TRIO: variants seen among roughly 807,000 people sequenced by gnomAD.
The protein encoded by TRIO is trio Rho guanine nucleotide exchange factor, also known as triple functional domain protein.
A neutral mutation model predicts 351.9 loss-of-function variants in TRIO; 58 were observed. That is an observed-to-expected ratio of 0.16 (90% confidence interval 0.13 to 0.21). TRIO has a LOEUF of 0.21. Ranked by LOEUF, TRIO falls within the 10% of genes least tolerant of loss-of-function variation. The pLI, the probability that TRIO is intolerant of heterozygous loss-of-function variation, is 1.00. For synonymous variants in TRIO, 1,758 were observed against 1,595.7 expected, an observed-to-expected ratio of 1.10 and a Z score of -2.42; for missense variants, 3,201 against 4,027.8, an observed-to-expected ratio of 0.79 and a Z score of 5.56.
In TRIO at chr5:14,507,219, C is replaced by T. The variant is rs748154890; in HGVS notation, c.8710C>T (p.Arg2904Trp). ...AHLGEVLEAV[R>W]YLHNCRIAHL... The stretch of plus-strand genomic sequence containing the variant: ...CCTGGGGGAGGTTCTGGAAGCTGTC[C>T]GGTACCTGCACAACTGCAGGATAGC... The change falls in exon 56 of 57, where the codon CGG (arginine) becomes TGG (tryptophan). Residue 2904 changes from arginine (R) to tryptophan (W), a missense_variant. Physicochemically the swap from Arg to Trp is moderately radical, Grantham distance 101. Transcript: ENST00000344204. 40 of 1,611,716 alleles carry T rather than the reference C, an allele frequency of 2.5e-5. No homozygotes were observed. Among genetic ancestry groups the T allele is most frequent in the South Asian group, 9.9e-5 (9 of 90,892 alleles).
intron 34 of TRIO, among the ~76,000 whole-genome samples, chr5:14,460,669 C>A (rs1753710681): frequency 6.6e-6 from 1 of 152,206 alleles, no homozygotes; most frequent in Non-Finnish European, 1.5e-5. Context: ...TTTTAAAATT[C>A]TGTCCTCCAA....
intron 46 of TRIO, 70 bp downstream of exon 46, chr5:14,482,843 T>A: frequency 7.4e-7 from 1 of 1,342,766 alleles, no homozygotes; most frequent in Non-Finnish European, 9.9e-7. Context: ...ACTGTTTCCT[T>A]TTAATGATGA....
chr5:14,449,651 G>C (rs1218784044), intron 34 of TRIO, among the ~76,000 whole-genome samples: 2 of 152,192 alleles, frequency 1.3e-5, no homozygotes, highest in African/African-American at 4.8e-5. Context: ...GCCAGGTCCT[G>C]TTCCGTTCAG....
chr5:14,181,586 A>C (rs1030581550), intron 1 of TRIO, among the ~76,000 whole-genome samples: 1 of 152,224 alleles, frequency 6.6e-6, no homozygotes, highest in African/African-American at 2.4e-5. Context: ...GTGAGATGGC[A>C]CGTGGGACCA....
chr5:14,498,466 T>C (rs1333966462), intron 52 of TRIO, 53 bp from the exon 53 acceptor site: 2 of 1,589,654 alleles, frequency 1.3e-6, no homozygotes, highest in Non-Finnish European at 1.7e-6. Flanking sequence ...CCAGCGCTGA[T>C]GGCCACGTGC....
rs528154801 is a variant in TRIO at position 14,294,020 on chromosome 5, A to T, written c.1176+886A>T. 5.0e-4 allele frequency among the ~76,000 whole-genome samples: 36 copies of T among 72,362 alleles called. No homozygotes were observed. In the East Asian group the frequency reaches 5.7e-3, roughly 11 times the overall value. 47.5% of individuals were successfully genotyped at this position (72,362 alleles called of 152,430 possible). A position where few individuals can be genotyped will look rare whatever the true frequency, so the allele number is the denominator to read the frequency against. On this transcript the variant is annotated intron_variant, in intron 6 of 56. Transcript: ENST00000344204. ...GCAAGACCCCATCTCTAAAAAAAAAAAATAATAATTAAAAAATTAGCCAAG... is the reference window on the plus strand; with the variant it reads ...GCAAGACCCCATCTCTAAAAAAAAATAATAATAATTAAAAAATTAGCCAAG...
At chr5:14,479,651 T>G (rs952512864) in intron 42 of TRIO, among the ~76,000 whole-genome samples, 2 of 152,004 alleles carry the variant, frequency 1.3e-5, no homozygotes, top group Admixed American at 1.3e-4. Flanking sequence ...ACTTATAGCC[T>G]AAAAATAATA....
chr5:14,498,478 C>T (rs755331692), intron 52 of TRIO, 41 bp from the exon 53 acceptor site: 1 of 1,600,198 alleles, frequency 6.2e-7, no homozygotes, highest in Non-Finnish European at 8.5e-7. Flanking sequence ...GCCACGTGCT[C>T]AGCTTTTCTG....
At chr5:14,492,121 T>C (rs1365187857) in intron 48 of TRIO, among the ~76,000 whole-genome samples, 2 of 152,376 alleles carry the variant, frequency 1.3e-5, no homozygotes, top group East Asian at 1.9e-4. Context: ...TTCTCTGTTA[T>C]CTAATCTGTC....
intron 1 of TRIO, among the ~76,000 whole-genome samples, chr5:14,223,067 G>A (rs1212999472): frequency 6.6e-6 from 1 of 152,178 alleles, no homozygotes; most frequent in Non-Finnish European, 1.5e-5. Context: ...GAGTGCAGCT[G>A]ACACAGAGGC....
intron 1 of TRIO, among the ~76,000 whole-genome samples, chr5:14,187,406 T>G (rs1790188937): frequency 6.6e-6 from 1 of 152,188 alleles, no homozygotes; most frequent in African/African-American, 2.4e-5. Flanking sequence ...CCAGTCTTTC[T>G]GTATTACCGA....
chr5:14,146,970 G>T (rs916402634), intron 1 of TRIO, among the ~76,000 whole-genome samples: 1 of 152,130 alleles, frequency 6.6e-6, no homozygotes, highest in Non-Finnish European at 1.5e-5. Context: ...TATAGACCTG[G>T]CATGAAGCAG....
At chr5:14,388,792 ATT>A in intron 24 of TRIO, 113 bp downstream of exon 24, 1 of 1,214,336 alleles carries the variant, frequency 8.2e-7, no homozygotes. Context: ...TTTTTCTGTC[ATT>A]TTTTTAAATG....
chr5:14,193,973 C>G (rs531167420), intron 1 of TRIO, among the ~76,000 whole-genome samples: 31 of 152,244 alleles, frequency 2.0e-4, no homozygotes, highest in African/African-American at 5.5e-4. Context: ...GTCTTATCTT[C>G]CCGGTAGTTT....
At position 14,230,106 on chromosome 5, in the gene TRIO, T is replaced by A. The variant is rs188912579; in HGVS notation, c.158-40719T>A. Among the ~76,000 whole-genome samples the A allele has an allele frequency of 6.8e-3, 1,042 of 152,330 alleles. 6 individuals are homozygous for A. Among genetic ancestry groups the A allele is most frequent in the Non-Finnish European group, 0.012 (805 of 68,032 alleles). ...TCCTTAGAGGGGTCCTATTGGCAAC[T>A]CATATATTATGAGCCACTTTGCCAC... is the stretch of plus-strand genomic sequence containing the variant. On this transcript the variant is annotated intron_variant, in intron 1 of 56. Coordinates refer to ENST00000344204, the MANE Select transcript of TRIO (RefSeq NM_007118.4).
At chr5:14,351,078 C>G (rs1410586502) in intron 11 of TRIO, among the ~76,000 whole-genome samples, 1 of 152,192 alleles carries the variant, frequency 6.6e-6, no homozygotes, top group Non-Finnish European at 1.5e-5. Context: ...TGCTGCTCAC[C>G]TCCCACTGTG....
At chr5:14,291,770 C>CA (rs1280597925) in intron 5 of TRIO, among the ~76,000 whole-genome samples, 4 of 119,124 alleles carry the variant, frequency 3.4e-5, no homozygotes, top group African/African-American at 1.4e-4. Flanking sequence ...GCCTGGGCGA[C>CA]AGAGTGAGAC....
intron 1 of TRIO, among the ~76,000 whole-genome samples, chr5:14,189,624 C>T (rs138322100): frequency 4.8e-4 from 73 of 151,992 alleles, no homozygotes; most frequent in Non-Finnish European, 8.2e-4. Flanking sequence ...CACTTAGAAA[C>T]GTATTTAGTA....
At chr5:14,216,979 A>G (rs568428692) in intron 1 of TRIO, among the ~76,000 whole-genome samples, 1 of 152,164 alleles carries the variant, frequency 6.6e-6, no homozygotes, top group Non-Finnish European at 1.5e-5. Context: ...GAAATCTCCT[A>G]CAGGGCAAGG....
Sources: gnomAD v4.1 joint callset for allele counts (sites outside exome capture counted in the v4.1 genomes callset) on GRCh38, gnomAD v4.1.1 for gene constraint, MANE v1.5 for transcripts, NCBI Gene and HGNC (gene_info 2026-07-23, HGNC 2026-07-21) for gene names.